The following FBXL17 variants were observed in gnomAD, a reference collection of about 807,000 sequenced individuals.
FBXL17 encodes F-box and leucine rich repeat protein 17.
FBXL17 carries 22 observed loss-of-function variants against 66.2 expected under a neutral mutation model. The observed-to-expected ratio is 0.33, with a 90% CI of 0.24 to 0.47. The LOEUF is 0.47. FBXL17 is among the 20% of genes least tolerant of loss of function. The pLI is 1.00. For synonymous variants in FBXL17, 474 were observed against 400.5 expected (o/e 1.18, Z -2.19); for missense variants, 878 against 948.2 (o/e 0.93, Z 0.97).
chr5:108,245,298 C>G (rs1468257684), intron 4 of FBXL17, among the ~76,000 whole-genome samples: 4 of 151,766 alleles, frequency 2.6e-5, no homozygotes, highest in Non-Finnish European at 4.4e-5. Flanking sequence ...AAATGCTTCC[C>G]AAGATGAATA....
Position 108,327,497 on chromosome 5 carries a change from G to A in FBXL17, c.1506+20902C>T, listed in dbSNP as rs141306031. On this transcript the variant is annotated intron_variant, in intron 4 of 8. Transcript: ENST00000542267. Reference sequence around the variant, plus strand: ...GTAAGATGATTTAACTGCAAAGAATGAAGATTCATGGCAAAGAAAATGATA... The same window carrying A: ...GTAAGATGATTTAACTGCAAAGAATAAAGATTCATGGCAAAGAAAATGATA... 2.8e-3 allele frequency among the ~76,000 whole-genome samples: 419 copies of A among 152,258 alleles called. 2 individuals are homozygous for A. Among genetic ancestry groups the A allele is most frequent in the African/African-American group, 9.5e-3 (396 of 41,560 alleles).
intron 7 of FBXL17, among the ~76,000 whole-genome samples, chr5:107,997,656 T>A (rs141913285): frequency 0.011 from 1,704 of 152,268 alleles, 24 homozygotes; most frequent in Non-Finnish European, 0.013. Context: ...GATGTTCTTG[T>A]CTGTCTTCCA....
intron 4 of FBXL17, among the ~76,000 whole-genome samples, chr5:108,333,825 T>C (rs557565917): frequency 1.1e-4 from 16 of 152,172 alleles, no homozygotes; most frequent in Non-Finnish European, 2.1e-4. Context: ...AAAGAAAACA[T>C]AGTAATAAGT....
intron 7 of FBXL17, among the ~76,000 whole-genome samples, chr5:107,965,810 T>G (rs1752107080): frequency 6.6e-6 from 1 of 152,116 alleles, no homozygotes; most frequent in Admixed American, 6.6e-5. Context: ...AGATACATAA[T>G]TACTGGAGGG....
intron 7 of FBXL17, among the ~76,000 whole-genome samples, chr5:107,971,766 C>G (rs1752381831): frequency 1.3e-5 from 2 of 152,162 alleles, no homozygotes; most frequent in African/African-American, 4.8e-5. Flanking sequence ...ACAAAAAGTT[C>G]ACATGATTAT....
At chr5:108,030,752 GT>G (rs1746586763) in intron 6 of FBXL17, among the ~76,000 whole-genome samples, 1 of 152,098 alleles carries the variant, frequency 6.6e-6, no homozygotes, top group Non-Finnish European at 1.5e-5. Flanking sequence ...AGGAGAAATA[GT>G]TTATTATTTT....
intron 3 of FBXL17, among the ~76,000 whole-genome samples, chr5:108,353,297 A>G (rs955458460): frequency 1.5e-4 from 23 of 152,206 alleles, no homozygotes; most frequent in African/African-American, 5.5e-4. Flanking sequence ...TCACCAGAAG[A>G]GAAACTACTA....
intron 4 of FBXL17, among the ~76,000 whole-genome samples, chr5:108,257,107 C>T (rs867145277): frequency 1.4e-4 from 21 of 152,184 alleles, no homozygotes; most frequent in African/African-American, 4.1e-4. Flanking sequence ...ACAGATATTT[C>T]GGATGTTACA....
At chr5:108,037,292 A>G (rs1375577094) in intron 6 of FBXL17, among the ~76,000 whole-genome samples, 1 of 152,194 alleles carries the variant, frequency 6.6e-6, no homozygotes, top group Admixed American at 6.5e-5. Flanking sequence ...TGATATTGGA[A>G]AAGAAACATT....
intron 4 of FBXL17, among the ~76,000 whole-genome samples, chr5:108,291,785 A>G (rs935920995): frequency 4.6e-5 from 7 of 152,296 alleles, no homozygotes; most frequent in African/African-American, 1.7e-4. Flanking sequence ...ACCTATGTCA[A>G]GGACTAGCAG....
At chr5:108,160,773 A>G (rs1467765635) in intron 6 of FBXL17, among the ~76,000 whole-genome samples, 1 of 152,182 alleles carries the variant, frequency 6.6e-6, no homozygotes, top group Non-Finnish European at 1.5e-5. Context: ...TAAAAATAAT[A>G]ATGATTTAAA....
intron 4 of FBXL17, among the ~76,000 whole-genome samples, chr5:108,293,090 A>G (rs1249598518): frequency 6.6e-6 from 1 of 151,136 alleles, no homozygotes; most frequent in Non-Finnish European, 1.5e-5. Context: ...TCTGTCTCAA[A>G]AAAAAAACAA....
Position 108,296,843 on chromosome 5 carries a change from AAT to A in FBXL17, c.1506+51554_1506+51555del, listed in dbSNP as rs144801188. ...CCATTTCAAACAAAATAACACATTC[AAT>A]ATGACAAAAATCAAAATTCTAAAAA... On this transcript the variant is annotated intron_variant, in intron 4 of 8. Transcript: ENST00000542267. Among the ~76,000 whole-genome samples, 110 of 151,798 alleles carry A rather than the reference AAT, an allele frequency of 7.2e-4. 6 individuals carry two copies. In the East Asian group the frequency reaches 0.019, roughly 26 times the overall value.
intron 6 of FBXL17, among the ~76,000 whole-genome samples, chr5:108,185,801 A>G (rs1753205394): frequency 6.6e-6 from 1 of 152,218 alleles, no homozygotes; most frequent in Non-Finnish European, 1.5e-5. Flanking sequence ...GACAAATAAT[A>G]TATCATTACA....
chr5:108,291,481 T>C (rs73781314), intron 4 of FBXL17, among the ~76,000 whole-genome samples: 2,749 of 152,090 alleles, frequency 0.018, 84 homozygotes, highest in African/African-American at 0.062. Flanking sequence ...AAGTGTGAAA[T>C]AGGCTCTACA....
chr5:108,118,627 T>C lies in FBXL17; in HGVS notation c.1745+67490A>G, dbSNP rs545379575. ...TCTTATGATCTTCCTCTGTAGTCCA[T>C]TGTATGCAGGTGTTTTTAATTTTGT... On this transcript the variant is annotated intron_variant, in intron 6 of 8. Transcript: ENST00000542267. 4.2e-4 allele frequency among the ~76,000 whole-genome samples: 64 copies of C among 152,334 alleles called. 1 individual carries two copies. The Middle Eastern group carries it at 0.014, about 32-fold the overall frequency.
At chr5:108,027,409 C>T (rs905688010) in intron 6 of FBXL17, among the ~76,000 whole-genome samples, 1 of 152,102 alleles carries the variant, frequency 6.6e-6, no homozygotes, top group Non-Finnish European at 1.5e-5. Flanking sequence ...TTGATCCATC[C>T]ATTACCATAA....
At chr5:108,036,434 T>TC in intron 6 of FBXL17, among the ~76,000 whole-genome samples, 1 of 152,270 alleles carries the variant, frequency 6.6e-6, no homozygotes, top group South Asian at 2.1e-4. Flanking sequence ...TCCTGAGCAT[T>TC]CCCTAATGTT....
intron 6 of FBXL17, among the ~76,000 whole-genome samples, chr5:108,095,717 C>T (rs1439337873): frequency 6.6e-6 from 1 of 152,036 alleles, no homozygotes; most frequent in Non-Finnish European, 1.5e-5. Context: ...AATTTACTTA[C>T]AATTTATTCA....
Sources: gnomAD v4.1 joint callset for allele counts (sites outside exome capture counted in the v4.1 genomes callset) on GRCh38, gnomAD v4.1.1 for gene constraint, MANE v1.5 for transcripts, NCBI Gene and HGNC (gene_info 2026-07-23, HGNC 2026-07-21) for gene names.